FAM78A: variants seen among roughly 807,000 people sequenced by gnomAD.
FAM78A encodes the protein family with sequence similarity 78 member A.
A neutral mutation model predicts 22.6 loss-of-function variants in FAM78A; 12 were observed. That is an observed-to-expected ratio of 0.53 (90% confidence interval 0.34 to 0.86). The LOEUF (loss-of-function observed/expected upper bound fraction) is 0.86. Among genes scored for constraint, FAM78A ranks in the 40% least tolerant of loss-of-function variants. FAM78A has a pLI of 0.02. For synonymous variants in FAM78A, 151 were observed against 155.8 expected, an observed-to-expected ratio of 0.97 and a Z score of 0.23; for missense variants, 322 against 396.1, an observed-to-expected ratio of 0.81 and a Z score of 1.59.
intron 1 of FAM78A, among the ~76,000 whole-genome samples, chr9:131,269,178 C>G (rs1170608496): frequency 6.6e-6 from 1 of 152,024 alleles, no homozygotes. Flanking sequence ...CCCCATGTGC[C>G]CCATGTACTC....
rs989853146 is a variant in FAM78A at position 131,260,605 on chromosome 9, G to A, written c.*217C>T. ...ACCAGAGGTCACCCTGAGGGCGCAC[G>A]TGGGGTCTGTCTGTCCTGCTTAGAT... On this transcript the variant is annotated 3_prime_UTR_variant, in exon 2 of 2. Coordinates refer to ENST00000372271, the MANE Select transcript of FAM78A (RefSeq NM_033387.4). The surrounding 1 kb of genome is among the most constrained non-coding windows in gnomAD (Gnocchi z 5.4). 1.0e-4 allele frequency: 46 copies of A among 450,530 alleles called. No individual in the cohort carries two copies. Among genetic ancestry groups the A allele is most frequent in the Non-Finnish European group, 1.5e-4 (40 of 260,660 alleles). The allele number at this position is 450,530 out of a possible 1,614,324, so 27.9% of individuals were successfully genotyped here.
chr9:131,266,528 C>T (rs1186035802), intron 1 of FAM78A, among the ~76,000 whole-genome samples: 2 of 152,060 alleles, frequency 1.3e-5, no homozygotes, highest in Non-Finnish European at 2.9e-5. Flanking sequence ...CTCCCCCCCA[C>T]TTCCTCCTCC....
In FAM78A at chr9:131,272,964, A is replaced by T. The variant is rs114753755; in HGVS notation, c.323+2893T>A. Among the ~76,000 whole-genome samples the T allele has an allele frequency of 0.028, 4,199 of 151,842 alleles. 188 individuals are homozygous for T. The highest frequency in any genetic ancestry group is 0.095 in the African/African-American group (3,932 of 41,446). ...AAATAAATAAAAATAAATAAAAATT[A>T]AAAAAAAGATAACTAAATCCCACCT... On this transcript the variant is annotated intron_variant, in intron 1 of 1. Transcript: ENST00000372271. The surrounding 1 kb of genome is among the most constrained non-coding windows in gnomAD (Gnocchi z 4.1).
Position 131,261,392 on chromosome 9 carries a change from G to A in FAM78A, c.324-42C>T. On this transcript the variant is annotated intron_variant, in intron 1 of 1. Coordinates refer to ENST00000372271, the MANE Select transcript of FAM78A (RefSeq NM_033387.4). The surrounding 1 kb of genome is among the most constrained non-coding windows in gnomAD (Gnocchi z 7.1). ...CCAGTTCACTCACTCGGTCACTCAA[G>A]GAGGGCTTTCTGTGTCCCCCTGGCA... 1 of 1,505,614 alleles carries A rather than the reference G, an allele frequency of 6.6e-7. No homozygotes were observed. Among genetic ancestry groups the A allele is most frequent in the South Asian group, 1.3e-5 (1 of 76,420 alleles). 93.3% of individuals were successfully genotyped at this position (1,505,614 alleles called of 1,614,324 possible). A position where few individuals can be genotyped will look rare whatever the true frequency, so the allele number is the denominator to read the frequency against.
rs373153494 is a variant in FAM78A at position 131,261,754 on chromosome 9, G to C, written c.324-404C>G. Reference sequence around the variant, plus strand: ...GATACAGAAAGTGAAGTGGTGGGCTGGGGGTGGAGAGTGAGGCTACATTTT... The same window carrying C: ...GATACAGAAAGTGAAGTGGTGGGCTCGGGGTGGAGAGTGAGGCTACATTTT... On this transcript the variant is annotated intron_variant, in intron 1 of 1. Coordinates refer to ENST00000372271, the MANE Select transcript of FAM78A (RefSeq NM_033387.4). This position sits in a 1 kb window ranked among gnomAD's most constrained non-coding sequence, Gnocchi z 7.1. 5.3e-5 allele frequency among the ~76,000 whole-genome samples: 8 copies of C among 152,254 alleles called. No homozygotes were observed. The East Asian group carries it at 1.2e-3, about 22-fold the overall frequency.
Position 131,260,777 on chromosome 9 carries a change from C to A in FAM78A, c.*45G>T. The A allele has an allele frequency of 1.3e-6, 2 of 1,499,280 alleles. No individual in the cohort carries two copies. The highest frequency in any genetic ancestry group is 2.3e-5 in the East Asian group (1 of 43,362). 92.9% of individuals were successfully genotyped at this position (1,499,280 alleles called of 1,614,324 possible). A position where few individuals can be genotyped will look rare whatever the true frequency, so the allele number is the denominator to read the frequency against. Reference sequence around the variant, plus strand: ...GAGTGAGTCTGAGTTTTGTTTTCAGCGGTATTATTATTTGTGAGTCTAACC... The same window carrying A: ...GAGTGAGTCTGAGTTTTGTTTTCAGAGGTATTATTATTTGTGAGTCTAACC... On this transcript the variant is annotated 3_prime_UTR_variant, in exon 2 of 2. Coordinates refer to ENST00000372271, the MANE Select transcript of FAM78A (RefSeq NM_033387.4). This position sits in a 1 kb window ranked among gnomAD's most constrained non-coding sequence, Gnocchi z 5.4.
Position 131,272,030 on chromosome 9 carries a change from T to A in FAM78A, c.323+3827A>T, listed in dbSNP as rs975103299. Among the ~76,000 whole-genome samples, 1 of 152,224 alleles carries A rather than the reference T, an allele frequency of 6.6e-6. No homozygotes were observed. On this transcript the variant is annotated intron_variant, in intron 1 of 1. Coordinates refer to ENST00000372271, the MANE Select transcript of FAM78A (RefSeq NM_033387.4). This position sits in a 1 kb window ranked among gnomAD's most constrained non-coding sequence, Gnocchi z 4.1. ...GGTATTATTGAGATGGTGGTTTTTTTTTTTAATTGTTCCATTTCAAATATT... is the reference window on the plus strand; with the variant it reads ...GGTATTATTGAGATGGTGGTTTTTTATTTTAATTGTTCCATTTCAAATATT...
intron 1 of FAM78A, among the ~76,000 whole-genome samples, chr9:131,262,472 T>A (rs1262453482): frequency 7.2e-6 from 1 of 138,460 alleles, no homozygotes; most frequent in Non-Finnish European, 1.5e-5. Context: ...TGAGACTCTG[T>A]CTGCAAAAAA....
upstream of FAM78A, among the ~76,000 whole-genome samples, chr9:131,279,176 A>C (rs780773640): frequency 5.9e-5 from 9 of 152,242 alleles, no homozygotes; most frequent in Admixed American, 3.9e-4. Context: ...GGGCCAAGGC[A>C]GGGCCACAGA....
In FAM78A at chr9:131,272,888, C is replaced by T. The variant is rs1835437605; in HGVS notation, c.323+2969G>A. ...AGAGGTTGTAGTGAGCCAAGATTGG[C>T]ACCATTGCACTCCAGCCTGGGCGAC... On this transcript the variant is annotated intron_variant, in intron 1 of 1. Coordinates refer to ENST00000372271, the MANE Select transcript of FAM78A (RefSeq NM_033387.4). This position sits in a 1 kb window ranked among gnomAD's most constrained non-coding sequence, Gnocchi z 4.1. 6.6e-6 allele frequency among the ~76,000 whole-genome samples: 1 copy of T among 152,102 alleles called. No individual in the cohort carries two copies. The highest frequency in any genetic ancestry group is 2.4e-5 in the African/African-American group (1 of 41,386).
At chr9:131,267,896 A>T (rs891087993) in intron 1 of FAM78A, among the ~76,000 whole-genome samples, 4 of 152,018 alleles carry the variant, frequency 2.6e-5, no homozygotes, top group Admixed American at 6.6e-5. Context: ...ATATATTTTA[A>T]AAAAAATTAG....
In FAM78A at chr9:131,259,679, G is replaced by A. The variant is rs1322346884; in HGVS notation, c.*1143C>T. ...GGGGCCAGCCAGCCACAGGGGCCGG[G>A]GCCCACCCGATTCAAGTCTTAAAAT... is the stretch of plus-strand genomic sequence containing the variant. On this transcript the variant is annotated 3_prime_UTR_variant, in exon 2 of 2. Transcript: ENST00000372271. The A allele has an allele frequency of 6.6e-6, 1 of 152,578 alleles. No individual in the cohort carries two copies. Among genetic ancestry groups the A allele is most frequent in the Non-Finnish European group, 1.5e-5 (1 of 68,200 alleles). 9.5% of individuals were successfully genotyped at this position (152,578 alleles called of 1,614,324 possible). A position where few individuals can be genotyped will look rare whatever the true frequency, so the allele number is the denominator to read the frequency against.
At position 131,261,204 on chromosome 9, in the gene FAM78A, CTGA is replaced by C. The variant is rs1835262660; in HGVS notation, c.467_469del (p.Ile156del). On this transcript the variant is annotated inframe_deletion, in exon 2 of 2. Coordinates refer to ENST00000372271, the MANE Select transcript of FAM78A (RefSeq NM_033387.4). The surrounding 1 kb of genome is among the most constrained non-coding windows in gnomAD (Gnocchi z 7.1). ...GCTGGGGTAAAAGTTGTCATTCATGCTGATGATGAACTTGGAGTCCCTCTTGGT... is the reference window on the plus strand; with the variant it reads ...GCTGGGGTAAAAGTTGTCATTCATGCTGATGAACTTGGAGTCCCTCTTGGT... The C allele has an allele frequency of 1.9e-6, 3 of 1,613,780 alleles. No homozygotes were observed. The highest frequency in any genetic ancestry group is 2.5e-6 in the Non-Finnish European group (3 of 1,180,014).
chr9:131,270,349 T>C, intron 1 of FAM78A: 1 of 717,544 alleles, frequency 1.4e-6, no homozygotes, highest in Non-Finnish European at 2.6e-6. Flanking sequence ...CCCCAAACAC[T>C]GGGCACGACT....
At chr9:131,276,600 C>G (rs1166426097), upstream of FAM78A, 15 of 155,452 alleles carry the variant, frequency 9.6e-5, no homozygotes, top group Admixed American at 9.7e-4. This position sits in a 1 kb window ranked among gnomAD's most constrained non-coding sequence, Gnocchi z 4.3. Context: ...TGACTTCCTG[C>G]CCTCCGGCCT....
rs1835336144 is a variant in FAM78A at position 131,265,756 on chromosome 9, A to G, written c.324-4406T>C. Among the ~76,000 whole-genome samples the G allele has an allele frequency of 6.6e-6, 1 of 152,122 alleles. No homozygotes were observed. The highest frequency in any genetic ancestry group is 1.5e-5 in the Non-Finnish European group (1 of 68,028). ...CCACGCTCAGGGCCCTTCTGAGTGC[A>G]GGCCCCGGACAGCTGTCCAGTCTAG... is the stretch of plus-strand genomic sequence containing the variant. On this transcript the variant is annotated intron_variant, in intron 1 of 1. Coordinates refer to ENST00000372271, the MANE Select transcript of FAM78A (RefSeq NM_033387.4). The surrounding 1 kb of genome is among the most constrained non-coding windows in gnomAD (Gnocchi z 4.3).
intron 1 of FAM78A, chr9:131,270,391 C>T (rs755290870): frequency 1.4e-6 from 1 of 717,552 alleles, no homozygotes; most frequent in South Asian, 1.5e-5. Flanking sequence ...CTCCAATCAG[C>T]AAAACAAAGG....
At chr9:131,267,534 T>C (rs1166569052) in intron 1 of FAM78A, among the ~76,000 whole-genome samples, 1 of 151,854 alleles carries the variant, frequency 6.6e-6, no homozygotes, top group Non-Finnish European at 1.5e-5. Flanking sequence ...ACCCTGTCTC[T>C]GAAAGAAACA....
At chr9:131,266,833 G>A (rs933723259) in intron 1 of FAM78A, among the ~76,000 whole-genome samples, 3 of 152,242 alleles carry the variant, frequency 2.0e-5, no homozygotes, top group Non-Finnish European at 4.4e-5. Flanking sequence ...CATAATGTCT[G>A]TGGCCAGGAT....
Sources: allele counts gnomAD v4.1 joint callset (sites outside exome capture counted in the v4.1 genomes callset), GRCh38; gene constraint gnomAD v4.1.1; non-coding constraint Gnocchi (gnomAD v3.1); transcripts MANE v1.5; gene names NCBI Gene and HGNC (gene_info 2026-07-23, HGNC 2026-07-21).